Variants in BTBD9 observed in about 807,000 individuals in gnomAD.
BTBD9 encodes BTB/POZ domain-containing protein 9.
BTBD9 carries 49 observed loss-of-function variants against 64.3 expected under a neutral mutation model. The ratio of observed to expected loss-of-function variants is 0.76; its 90% CI spans 0.61 to 0.97. The LOEUF is 0.97. Ranked by LOEUF, BTBD9 falls within the 50% of genes least tolerant of loss-of-function variation. The pLI is 0.00. For missense variants in BTBD9, 598 were observed against 762.1 expected, an observed-to-expected ratio of 0.78 and a Z score of 2.53; for synonymous variants, 260 against 274.7, an observed-to-expected ratio of 0.95 and a Z score of 0.53.
At chr6:38,389,836 T>G (rs915609238) in intron 6 of BTBD9, among the ~76,000 whole-genome samples, 2 of 152,230 alleles carry the variant, frequency 1.3e-5, no homozygotes, top group African/African-American at 4.8e-5. Flanking sequence ...TGGCTTCTGG[T>G]GTCTTAAGCT....
intron 2 of BTBD9, chr6:38,596,161 CCTGT>C (rs1376778691): frequency 3.1e-6 from 2 of 644,366 alleles, no homozygotes; most frequent in Non-Finnish European, 3.9e-6. Flanking sequence ...GCATTGAGAA[CCTGT>C]CTAAGGTAGC....
rs1404045626 is a variant in BTBD9, at chr6:38,435,601, C to T, written c.1155-90508G>A. On this transcript the variant is annotated intron_variant, in intron 6 of 10. Transcript: ENST00000481247. ...CTTCCTTCTTTCTTTTCTTTTCCCTCCCTTCCTTCCTTCCCTCCCCCTCCC... is the reference window on the plus strand; with the variant it reads ...CTTCCTTCTTTCTTTTCTTTTCCCTTCCTTCCTTCCTTCCCTCCCCCTCCC... Among the ~76,000 whole-genome samples, 71 of 52,408 alleles carry T rather than the reference C, an allele frequency of 1.4e-3. 3 individuals carry two copies. Among genetic ancestry groups the T allele is most frequent in the African/African-American group, 5.0e-3 (66 of 13,294 alleles). The allele number at this position is 52,408 out of a possible 152,430, so 34.4% of individuals were successfully genotyped here.
intron 6 of BTBD9, among the ~76,000 whole-genome samples, chr6:38,495,991 T>C (rs1471421349): frequency 1.3e-5 from 2 of 152,170 alleles, no homozygotes; most frequent in Non-Finnish European, 2.9e-5. Flanking sequence ...ACATGTGTCA[T>C]CTAAAAAAGC....
At chr6:38,418,324 T>A (rs1014153661) in intron 6 of BTBD9, among the ~76,000 whole-genome samples, 2 of 152,224 alleles carry the variant, frequency 1.3e-5, no homozygotes, top group African/African-American at 4.8e-5. Context: ...TGTAAGGCTA[T>A]CCTTTCACAA....
At chr6:38,199,091 C>A (rs1039712497) in intron 9 of BTBD9, among the ~76,000 whole-genome samples, 1 of 152,144 alleles carries the variant, frequency 6.6e-6, no homozygotes, top group African/African-American at 2.4e-5. Flanking sequence ...ATAGTGGGGA[C>A]AACCATCCCT....
At chr6:38,537,373 T>C (rs1463255609) in intron 6 of BTBD9, among the ~76,000 whole-genome samples, 1 of 152,226 alleles carries the variant, frequency 6.6e-6, no homozygotes, top group African/African-American at 2.4e-5. Context: ...GAATTTCTTT[T>C]TATTATCTTC....
At chr6:38,559,819 C>T (rs1457486889) in intron 6 of BTBD9, among the ~76,000 whole-genome samples, 4 of 152,006 alleles carry the variant, frequency 2.6e-5, no homozygotes, top group Admixed American at 6.6e-5. Context: ...CAAAAACAAG[C>T]GAGGGGGAAA....
intron 1 of BTBD9, among the ~76,000 whole-genome samples, chr6:38,628,131 C>T (rs1208265620): frequency 6.6e-6 from 1 of 152,130 alleles, no homozygotes; most frequent in East Asian, 1.9e-4. Context: ...ATGGGAGTGA[C>T]ACTTCTCTGA....
At chr6:38,272,395 C>T (rs1765227297) in intron 8 of BTBD9, among the ~76,000 whole-genome samples, 1 of 152,104 alleles carries the variant, frequency 6.6e-6, no homozygotes, top group Non-Finnish European at 1.5e-5. Flanking sequence ...GCTCTGTCTA[C>T]TGTAATTATA....
In BTBD9 at chr6:38,556,051, T is replaced by C. The variant is rs1035771513; in HGVS notation, c.1154+21549A>G. ...TATACTATGATTACTTCTGTTTCCC[T>C]ATGCAACCTTCAAAACTGCAAGGCT... On this transcript the variant is annotated intron_variant, in intron 6 of 10. Coordinates refer to ENST00000481247, the MANE Select transcript of BTBD9 (RefSeq NM_001099272.2). 2.6e-5 allele frequency among the ~76,000 whole-genome samples: 4 copies of C among 152,194 alleles called. No individual in the cohort carries two copies. In the East Asian group the frequency reaches 7.7e-4, roughly 29 times the overall value.
rs1429326643 is a variant in BTBD9 at position 38,187,630 on chromosome 6, G to T, written c.1641+4889C>A. ...GCAGAGGACGACAGAAGCACACAGT[G>T]GGGGGGAGTGAAAGTGGAGTGTGCT... On this transcript the variant is annotated intron_variant, in intron 10 of 10. Transcript: ENST00000481247. 4.6e-5 allele frequency among the ~76,000 whole-genome samples: 7 copies of T among 151,752 alleles called. No homozygotes were observed. The East Asian group carries it at 1.2e-3, about 25-fold the overall frequency.
intron 6 of BTBD9, among the ~76,000 whole-genome samples, chr6:38,522,362 G>GTCCCACAACATGTT (rs55694401): frequency 6.6e-6 from 1 of 151,900 alleles, no homozygotes; most frequent in African/African-American, 2.4e-5. Flanking sequence ...TCAAATTAAA[G>GTCCCACAACATGTT]TCCCTATACT....
chr6:38,238,470 G>GTTTT (rs34641170), intron 9 of BTBD9, among the ~76,000 whole-genome samples: 10,279 of 127,332 alleles, frequency 0.081, 912 homozygotes, highest in African/African-American at 0.16. Flanking sequence ...GGAGACCAAG[G>GTTTT]TTTTTTGTTT....
intron 7 of BTBD9, among the ~76,000 whole-genome samples, chr6:38,322,108 CT>C (rs1341230596): frequency 6.6e-6 from 1 of 152,056 alleles, no homozygotes; most frequent in East Asian, 1.9e-4. Flanking sequence ...CACATTAAGA[CT>C]TCCTTGTTTA....
chr6:38,444,955 T>C (rs1769201130), intron 6 of BTBD9, among the ~76,000 whole-genome samples: 1 of 152,242 alleles, frequency 6.6e-6, no homozygotes, highest in African/African-American at 2.4e-5. Flanking sequence ...TCTGGACACA[T>C]GGAAGACTAA....
At chr6:38,546,947 A>G (rs1327112178) in intron 6 of BTBD9, among the ~76,000 whole-genome samples, 1 of 152,216 alleles carries the variant, frequency 6.6e-6, no homozygotes, top group East Asian at 1.9e-4. Context: ...GATTACAGGC[A>G]TGAGCCACTG....
intron 6 of BTBD9, among the ~76,000 whole-genome samples, chr6:38,474,136 G>A (rs1242345870): frequency 2.0e-5 from 3 of 152,100 alleles, no homozygotes; most frequent in Admixed American, 6.6e-5. Context: ...TCTGATTTAT[G>A]TCTTAAAAAG....
chr6:38,296,430 A>C (rs1432740355), intron 7 of BTBD9, among the ~76,000 whole-genome samples: 1 of 151,656 alleles, frequency 6.6e-6, no homozygotes, highest in Non-Finnish European at 1.5e-5. Flanking sequence ...TCTTTTCCTT[A>C]TTTCCTATTT....
chr6:38,237,855 C>G (rs938219916), intron 9 of BTBD9, among the ~76,000 whole-genome samples: 2 of 142,964 alleles, frequency 1.4e-5, no homozygotes. Context: ...AAAAAAAAAT[C>G]AGCCAGATAT....
Sources: gnomAD v4.1 joint callset for allele counts (sites outside exome capture counted in the v4.1 genomes callset) on GRCh38, gnomAD v4.1.1 for gene constraint, MANE v1.5 for transcripts, NCBI Gene and HGNC (gene_info 2026-07-23, HGNC 2026-07-21) for gene names.